Variants in ST6GAL2 observed in about 807,000 individuals in gnomAD.
ST6GAL2 encodes the protein ST6 beta-galactoside alpha-2,6-sialyltransferase 2, also known as beta-galactoside alpha-2,6-sialyltransferase 2.
In ST6GAL2, 24 loss-of-function variants were observed where a neutral mutation model predicts 37.5. That is an observed-to-expected ratio of 0.64 (90% CI 0.46 to 0.90). The LOEUF (loss-of-function observed/expected upper bound fraction) is 0.90. Among genes scored for constraint, ST6GAL2 ranks in the 40% least tolerant of loss-of-function variants. ST6GAL2 has a pLI of 0.00. For missense variants in ST6GAL2, 715 were observed against 712.7 expected, an observed-to-expected ratio of 1.00 and a Z score of -0.04; for synonymous variants, 306 against 295.1, an observed-to-expected ratio of 1.04 and a Z score of -0.38.
At position 106,843,674 on chromosome 2, in the gene ST6GAL2, A is replaced by C; in HGVS notation, c.304T>G (p.Ser102Ala). 1 of 1,613,314 alleles carries C rather than the reference A, an allele frequency of 6.2e-7. No individual in the cohort carries two copies. The highest frequency in any genetic ancestry group is 8.5e-7 in the Non-Finnish European group (1 of 1,179,994). ...GPGDLQKWAQ[S>A]QDGFEHKEFF... ...TCTTTATGTTCAAACCCATCTTGGGACTGGGCCCATTTCTGCAGGTCTCCA... is the reference window on the plus strand; with the variant it reads ...TCTTTATGTTCAAACCCATCTTGGGCCTGGGCCCATTTCTGCAGGTCTCCA... Residue 102 changes from serine to alanine, a missense_variant, in exon 2 of 6, where the codon TCC becomes GCC. By Grantham distance (99) the Ser-to-Ala change is moderately conservative. This residue lies in a region of ST6GAL2 where 512 missense variants were observed against 488.8 expected (regional missense o/e 1.05). Coordinates refer to ENST00000409382, the MANE Select transcript of ST6GAL2 (RefSeq NM_001142351.2).
intron 4 of ST6GAL2, among the ~76,000 whole-genome samples, chr2:106,831,496 A>G (rs1573234605): frequency 6.6e-6 from 1 of 152,240 alleles, no homozygotes; most frequent in East Asian, 1.9e-4. Context: ...GAAAAGTTCA[A>G]ACACCCATCT....
At chr2:106,884,889 A>T (rs1437414267) in intron 1 of ST6GAL2, among the ~76,000 whole-genome samples, 1 of 124,340 alleles carries the variant, frequency 8.0e-6, no homozygotes, top group African/African-American at 3.2e-5. Context: ...AAAAGTTTTA[A>T]CCCTAAATTT....
intron 5 of ST6GAL2, among the ~76,000 whole-genome samples, chr2:106,810,126 A>G (rs1475483551): frequency 6.6e-6 from 1 of 152,180 alleles, no homozygotes; most frequent in Non-Finnish European, 1.5e-5. Flanking sequence ...GAGCTATCAG[A>G]TGCTTGAATC....
At chr2:106,823,134 A>G (rs1676069140) in intron 5 of ST6GAL2, 1 of 152,144 alleles carries the variant, frequency 6.6e-6, no homozygotes, top group Non-Finnish European at 1.5e-5. Context: ...CTTGAAGTGG[A>G]AAAGGAAGCC....
At chr2:106,834,543 G>T in intron 2 of ST6GAL2, 1 of 156,032 alleles carries the variant, frequency 6.4e-6, no homozygotes, top group Non-Finnish European at 1.4e-5. Context: ...TTTTGGTGCT[G>T]GTGTATGCTT....
intron 3 of ST6GAL2, among the ~76,000 whole-genome samples, 172 bp from the exon 4 acceptor site, chr2:106,832,838 GA>G (rs2104475916): frequency 6.6e-6 from 1 of 152,276 alleles, no homozygotes; most frequent in African/African-American, 2.4e-5. Flanking sequence ...AGCACTTAAA[GA>G]ATGTTTGAGG....
At chr2:106,830,542 T>C (rs1360237950) in intron 4 of ST6GAL2, among the ~76,000 whole-genome samples, 1 of 152,224 alleles carries the variant, frequency 6.6e-6, no homozygotes, top group Non-Finnish European at 1.5e-5. Context: ...CCTTGGGCTT[T>C]GCAGGCCATA....
At chr2:106,831,024 T>G (rs767259551) in intron 4 of ST6GAL2, among the ~76,000 whole-genome samples, 1 of 152,198 alleles carries the variant, frequency 6.6e-6, no homozygotes, top group African/African-American at 2.4e-5. Context: ...TGACATGGAT[T>G]TGGAGAGAGT....
chr2:106,864,272 T>C (rs900911570), intron 1 of ST6GAL2, among the ~76,000 whole-genome samples: 28 of 152,208 alleles, frequency 1.8e-4, no homozygotes, highest in African/African-American at 6.3e-4. Context: ...TGCAAGCCTA[T>C]GCAAGGGTTG....
Position 106,843,200 on chromosome 2 carries a change from G to A in ST6GAL2, c.778C>T (p.Arg260Cys), listed in dbSNP as rs1456621255. The A allele has an allele frequency of 1.3e-6, 2 of 1,550,262 alleles. No homozygotes were observed. The highest frequency in any genetic ancestry group is 1.4e-5 in the African/African-American group (1 of 73,330). The change falls in exon 2 of 6, where the codon CGC (arginine) becomes TGC (cysteine). Residue 260 changes from arginine to cysteine, a missense_variant. Transcript: ENST00000409382. Reference sequence around the variant, plus strand: ...TCGGTGCCGTCCAGCGTCCGCACGCGCGCGCGGCTCCGCAGCTGGCACAGC... The same window carrying A: ...TCGGTGCCGTCCAGCGTCCGCACGCACGCGCGGCTCCGCAGCTGGCACAGC... ...QLLCQLRSRA[R>C]VRTLDGTEAP...
At chr2:106,862,258 C>G (rs1429496116) in intron 1 of ST6GAL2, among the ~76,000 whole-genome samples, 2 of 152,182 alleles carry the variant, frequency 1.3e-5, no homozygotes, top group Non-Finnish European at 2.9e-5. Context: ...TTTATTTCTG[C>G]TCTTGGCAAG....
At chr2:106,832,792 T>C in intron 3 of ST6GAL2, 126 bp from the exon 4 acceptor site, 1 of 707,506 alleles carries the variant, frequency 1.4e-6, no homozygotes, top group East Asian at 2.7e-5. Context: ...TGTATTTTCT[T>C]CTGGGGGAGG....
chr2:106,813,067 G>A (rs1675667689), intron 5 of ST6GAL2: 1 of 1,178,468 alleles, frequency 8.5e-7, no homozygotes, highest in Admixed American at 4.5e-5. Context: ...GGGGCCAGCT[G>A]TTTTGAATCT....
rs193200894 is a variant in ST6GAL2, at chr2:106,808,796, T to C, written c.1319-1847A>G. Among the ~76,000 whole-genome samples, 5 of 152,246 alleles carry C rather than the reference T, an allele frequency of 3.3e-5. No homozygotes were observed. The South Asian group carries it at 6.2e-4, about 19-fold the overall frequency. ...GACATCTGCCCATGGAGAATTAAAT[T>C]CTTTTATTTCCAGTCACTTGCCGAC... On this transcript the variant is annotated intron_variant, in intron 5 of 5. Coordinates refer to ENST00000409382, the MANE Select transcript of ST6GAL2 (RefSeq NM_001142351.2).
chr2:106,843,283 T>C lies in ST6GAL2; in HGVS notation c.695A>G (p.Asn232Ser). The C allele has an allele frequency of 6.2e-7, 1 of 1,611,224 alleles. No individual in the cohort carries two copies. The change falls in exon 2 of 6, where the codon AAC becomes AGC. Residue 232 changes from asparagine (N) to serine (S), a missense_variant. By Grantham distance (46) the Asn-to-Ser change is conservative (BLOSUM62 1). This residue lies in a region of ST6GAL2 where 512 missense variants were observed against 488.8 expected (regional missense o/e 1.05). Transcript: ENST00000409382. Reference sequence around the variant, plus strand: ...CCCGCGGAAGCGCACCCCGTGCTTGTTGGCGGTCAGGTAATCCTTCATCGC... The same window carrying C: ...CCCGCGGAAGCGCACCCCGTGCTTGCTGGCGGTCAGGTAATCCTTCATCGC... Reference protein sequence around the residue: ...QKAMKDYLTANKHGVRFRGKR... With the variant: ...QKAMKDYLTASKHGVRFRGKR...
chr2:106,839,369 G>T (rs1266966616), intron 2 of ST6GAL2, among the ~76,000 whole-genome samples: 4 of 152,046 alleles, frequency 2.6e-5, no homozygotes, highest in African/African-American at 7.2e-5. Flanking sequence ...GGAATCCGTT[G>T]TCATTTCTGC....
intron 1 of ST6GAL2, among the ~76,000 whole-genome samples, chr2:106,844,355 TAGAC>T (rs971629880): frequency 2.6e-5 from 4 of 152,126 alleles, no homozygotes; most frequent in Non-Finnish European, 5.9e-5. Flanking sequence ...CCCACTTTGA[TAGAC>T]AGTAGTGCCC....
intron 5 of ST6GAL2, among the ~76,000 whole-genome samples, chr2:106,827,423 C>T (rs1285302234): frequency 6.6e-6 from 1 of 152,130 alleles, no homozygotes; most frequent in Non-Finnish European, 1.5e-5. Context: ...AAGCTGTCTC[C>T]ACTGCCCATC....
intron 1 of ST6GAL2, among the ~76,000 whole-genome samples, chr2:106,878,963 A>G (rs1344075063): frequency 6.6e-6 from 1 of 152,222 alleles, no homozygotes; most frequent in Non-Finnish European, 1.5e-5. Context: ...AGACACACAC[A>G]TTAAGCACTT....
Sources: allele counts gnomAD v4.1 joint callset (sites outside exome capture counted in the v4.1 genomes callset), GRCh38; gene constraint gnomAD v4.1.1; regional missense constraint gnomAD v4.1.1; transcripts MANE v1.5; gene names NCBI Gene and HGNC (gene_info 2026-07-23, HGNC 2026-07-21).